PZP: variants seen among roughly 807,000 people sequenced by gnomAD.
PZP encodes pregnancy zone protein.
In PZP, 150 loss-of-function variants were observed where a neutral mutation model predicts 179.8. That is an observed-to-expected ratio of 0.83 (90% CI 0.73 to 0.96). PZP has a LOEUF of 0.96. Among genes scored for constraint, PZP ranks in the 40% least tolerant of loss-of-function variants. PZP has a pLI of 0.00. For missense variants in PZP, 1,689 were observed against 1,764.0 expected, an observed-to-expected ratio of 0.96 and a Z score of 0.76; for synonymous variants, 624 against 652.3, an observed-to-expected ratio of 0.96 and a Z score of 0.66.
At chr12:9,140,660 C>G in the PZP span, among the ~76,000 whole-genome samples, 1 of 152,170 alleles carries the variant, frequency 6.6e-6, no homozygotes, top group South Asian at 2.1e-4. Context: ...AAAGCTGAGC[C>G]CAGTCATGGA....
intron 34 of PZP, among the ~76,000 whole-genome samples, chr12:9,150,185 C>T (rs1940245011): frequency 6.6e-6 from 1 of 152,218 alleles, no homozygotes; most frequent in African/African-American, 2.4e-5. Context: ...TACTTGAAAG[C>T]AGTGACTATA....
intron 26 of PZP, 48 bp downstream of exon 26, chr12:9,158,372 A>G (rs1333370701): frequency 1.2e-6 from 2 of 1,600,294 alleles, no homozygotes; most frequent in Admixed American, 1.7e-5. Flanking sequence ...CCCCTGGGGG[A>G]TGTTATGTTG....
chr12:9,182,256 T>C (rs940840438), intron 13 of PZP, 139 bp from the exon 14 acceptor site: 2 of 717,666 alleles, frequency 2.8e-6, no homozygotes, highest in Admixed American at 4.0e-5. Context: ...AGTCTCTCTA[T>C]GTGCCATTAG....
chr12:9,161,693 A>G (rs1941213179), intron 22 of PZP, among the ~76,000 whole-genome samples: 1 of 152,214 alleles, frequency 6.6e-6, no homozygotes, highest in African/African-American at 2.4e-5. Flanking sequence ...ACATGAATAT[A>G]CCTTAAATTA....
At chr12:9,198,104 A>G (rs1428537067) in intron 7 of PZP, among the ~76,000 whole-genome samples, 2 of 150,614 alleles carry the variant, frequency 1.3e-5, no homozygotes, top group South Asian at 2.1e-4. Context: ...TGCAACCCCA[A>G]CACTTTGGGA....
intron 4 of PZP, among the ~76,000 whole-genome samples, chr12:9,201,743 G>A (rs1164411266): frequency 6.6e-6 from 1 of 152,048 alleles, no homozygotes; most frequent in African/African-American, 2.4e-5. Context: ...AGAATTCCCA[G>A]AATCATTTGG....
chr12:9,169,248 C>A (rs1202059378), intron 16 of PZP, among the ~76,000 whole-genome samples, 182 bp downstream of exon 16: 1 of 151,998 alleles, frequency 6.6e-6, no homozygotes, highest in Non-Finnish European at 1.5e-5. Context: ...AGCCCTGACT[C>A]ACATACTGAG....
chr12:9,203,996 A>T (rs771538205), intron 1 of PZP, 45 bp from the exon 2 acceptor site: 2 of 1,511,188 alleles, frequency 1.3e-6, no homozygotes, highest in African/African-American at 2.8e-5. Flanking sequence ...TGATGATAGT[A>T]AGCGTTTTCA....
At chr12:9,150,020 ATCTT>A (rs1188924275) in intron 34 of PZP, among the ~76,000 whole-genome samples, 5 of 152,076 alleles carry the variant, frequency 3.3e-5, no homozygotes, top group African/African-American at 1.2e-4. Context: ...TCCAAATCAG[ATCTT>A]TCTTCCTGTT....
chr12:9,187,096 CAA>C (rs1943176465), intron 13 of PZP, among the ~76,000 whole-genome samples: 1 of 120,668 alleles, frequency 8.3e-6, no homozygotes, highest in Non-Finnish European at 1.8e-5. Context: ...AAAAAAAAGA[CAA>C]GAGAATTGCA....
chr12:9,150,568 A>G (rs1940277423), intron 34 of PZP, 76 bp downstream of exon 34: 1 of 983,844 alleles, frequency 1.0e-6, no homozygotes, highest in Non-Finnish European at 1.6e-6. Context: ...TAAGTGGGCT[A>G]AGAAGAGGAT....
chr12:9,203,368 G>A (rs7295453), intron 2 of PZP, among the ~76,000 whole-genome samples: 49,025 of 135,990 alleles, frequency 0.36, 8,526 homozygotes, highest in East Asian at 0.46. Context: ...TTGAGACGGA[G>A]TCTCGCTCTG....
At position 9,181,984 on chromosome 12, in the gene PZP, T is replaced by C. The variant is rs748088480; in HGVS notation, c.1680A>G (p.Leu560=). The C allele has an allele frequency of 6.2e-7, 1 of 1,613,806 alleles. No individual in the cohort carries two copies. Among genetic ancestry groups the C allele is most frequent in the Non-Finnish European group, 8.5e-7 (1 of 1,179,790 alleles). ...ATGTTAAATCGCTCACCTTGTTGGC[T>C]AGACAGTTTTCAATCTCAAATTTTT... The part of the protein sequence containing the change: ...DSEKFEIENC[L]ANKVDLSFSP... The change falls in exon 14 of 36, where the codon CTA becomes CTG. Residue 560 remains leucine (L), a synonymous_variant. Coordinates refer to ENST00000261336, the MANE Select transcript of PZP (RefSeq NM_002864.3).
Position 9,197,085 on chromosome 12 carries a change from A to G in PZP, c.794T>C (p.Val265Ala), listed in dbSNP as rs1943820179. The change falls in exon 8 of 36, where the codon GTG becomes GCG. Residue 265 changes from valine (V) to alanine (A), a missense_variant. By Grantham distance (64) the Val-to-Ala change is moderately conservative. Around this residue, in one of 3 missense-constraint regions of PZP, gnomAD observed 742 missense variants for 730.5 expected, o/e 1.02. Transcript: ENST00000261336. ...ACGAGATAATTTTCTACACAGGCTC[A>G]CAGTTGCAAGTCCTGGGACAGGCTT... ...YGKPVPGLAT[V>A]SLCRKLSRVL... 3 of 1,613,518 alleles carry G rather than the reference A, an allele frequency of 1.9e-6. No individual in the cohort carries two copies. In the African/African-American group the frequency reaches 4.0e-5, roughly 22 times the overall value.
chr12:9,141,730 T>C, the PZP span, among the ~76,000 whole-genome samples: 1 of 152,334 alleles, frequency 6.6e-6, no homozygotes, highest in East Asian at 1.9e-4. Flanking sequence ...AACTGTTTTT[T>C]CAATAGTCTT....
intron 4 of PZP, among the ~76,000 whole-genome samples, chr12:9,201,866 A>G (rs1025183077): frequency 2.0e-5 from 3 of 152,108 alleles, no homozygotes; most frequent in Non-Finnish European, 4.4e-5. Flanking sequence ...AAAAAGGGAA[A>G]TTCAATTAGC....
intron 26 of PZP, 48 bp from the exon 27 acceptor site, chr12:9,157,889 A>G (rs768733457): frequency 5.7e-5 from 84 of 1,470,862 alleles, no homozygotes; most frequent in Non-Finnish European, 7.4e-5. Context: ...AAGTGTTAGT[A>G]TATTCTCTTC....
rs1175237350 is a variant in PZP, at chr12:9,166,165, T to C, written c.2145A>G (p.Gln715=). Reference sequence around the variant, plus strand: ...AGGGTATCACATTATATGTGCCTAATTGAGGAACATATGGTCTCTCTACTA... The same window carrying C: ...AGGGTATCACATTATATGTGCCTAACTGAGGAACATATGGTCTCTCTACTA... ...LGVVERPYVP[Q]LGTYNVIPLN... Residue 715 remains glutamine, a synonymous_variant, in exon 18 of 36, where the codon CAA becomes CAG. Transcript: ENST00000261336. 2.3e-5 allele frequency: 37 copies of C among 1,613,388 alleles called. No homozygotes were observed. Among genetic ancestry groups the C allele is most frequent in the African/African-American group, 5.3e-5 (4 of 74,924 alleles).
chr12:9,164,061 TATG>T, intron 20 of PZP, 69 bp downstream of exon 20: 1 of 1,491,870 alleles, frequency 6.7e-7, no homozygotes. Flanking sequence ...AAAGAGAGAA[TATG>T]ATGAAAAAAG....
Sources: allele counts gnomAD v4.1 joint callset (sites outside exome capture counted in the v4.1 genomes callset), GRCh38; gene constraint gnomAD v4.1.1; regional missense constraint gnomAD v4.1.1; transcripts MANE v1.5; gene names NCBI Gene and HGNC (gene_info 2026-07-23, HGNC 2026-07-21).